The following UNC13C variants were observed in gnomAD, a reference collection of about 807,000 sequenced individuals.
UNC13C encodes the protein unc-13 homolog C.
A neutral mutation model predicts 245.4 loss-of-function variants in UNC13C; 174 were observed. The ratio of observed to expected loss-of-function variants is 0.71; its 90% CI spans 0.63 to 0.80. The LOEUF is 0.80. Among genes scored for constraint, UNC13C ranks in the 30% least tolerant of loss-of-function variants. UNC13C has a pLI of 0.00. For synonymous variants in UNC13C, 992 were observed against 895.1 expected, an observed-to-expected ratio of 1.11 and a Z score of -1.93; for missense variants, 2,829 against 2,602.9, an observed-to-expected ratio of 1.09 and a Z score of -1.89.
chr15:54,626,610 T>TTAA (rs1040052705), intron 32 of UNC13C, among the ~76,000 whole-genome samples: 8 of 152,272 alleles, frequency 5.3e-5, no homozygotes, highest in African/African-American at 1.9e-4. Flanking sequence ...ACATAGTATC[T>TTAA]TAATTCCCAT....
chr15:53,974,313 T>C (rs1893632026), upstream of UNC13C, among the ~76,000 whole-genome samples: 1 of 152,196 alleles, frequency 6.6e-6, no homozygotes, highest in South Asian at 2.1e-4. Context: ...AGAACAAAGC[T>C]AATTGGCTAC....
At chr15:53,874,908 A>G in the UNC13C span, among the ~76,000 whole-genome samples, 1 of 152,162 alleles carries the variant, frequency 6.6e-6, no homozygotes, top group African/African-American at 2.4e-5. Context: ...ATACAGGCCA[A>G]TATAGTGAAA....
intron 13 of UNC13C, among the ~76,000 whole-genome samples, chr15:54,315,531 A>G (rs1329253894): frequency 4.0e-5 from 6 of 151,166 alleles, no homozygotes; most frequent in African/African-American, 9.7e-5. Context: ...TCATATGGCT[A>G]TTTCCCAGGT....
At chr15:53,988,721 AC>A (rs774781373) in intron 1 of UNC13C, among the ~76,000 whole-genome samples, 3 of 151,932 alleles carry the variant, frequency 2.0e-5, no homozygotes, top group Non-Finnish European at 4.4e-5. Context: ...CATGAAGTGG[AC>A]ATCAAAGAGT....
At chr15:53,878,517 T>G in the UNC13C span, among the ~76,000 whole-genome samples, 1 of 152,188 alleles carries the variant, frequency 6.6e-6, no homozygotes, top group African/African-American at 2.4e-5. Flanking sequence ...AATTATCATT[T>G]CTCTGCATGG....
intron 7 of UNC13C, among the ~76,000 whole-genome samples, chr15:54,243,597 G>A (rs555452998): frequency 2.1e-5 from 2 of 94,504 alleles, no homozygotes; most frequent in South Asian, 6.1e-4. Flanking sequence ...CCCACCAACA[G>A]TGTAAAGCAT....
intron 17 of UNC13C, among the ~76,000 whole-genome samples, chr15:54,391,462 A>C (rs749532646): frequency 8.5e-5 from 13 of 152,122 alleles, no homozygotes; most frequent in Non-Finnish European, 1.9e-4. Context: ...AAGGCAGCAA[A>C]GCTTGACATT....
chr15:54,025,864 C>T (rs1368475221), intron 2 of UNC13C, among the ~76,000 whole-genome samples: 1 of 152,124 alleles, frequency 6.6e-6, no homozygotes, highest in East Asian at 1.9e-4. Flanking sequence ...TTGTTGACCG[C>T]ATATAATCAT....
chr15:53,943,565 T>C, the UNC13C span, among the ~76,000 whole-genome samples: 1 of 152,174 alleles, frequency 6.6e-6, no homozygotes, highest in Non-Finnish European at 1.5e-5. Flanking sequence ...TAAGCAGATG[T>C]CTCTATTTTT....
chr15:54,482,252 C>T (rs687345), intron 19 of UNC13C, among the ~76,000 whole-genome samples: 1 of 151,968 alleles, frequency 6.6e-6, no homozygotes, highest in Non-Finnish European at 1.5e-5. Flanking sequence ...AATGCAGGAG[C>T]TTTTAGCCCT....
chr15:54,296,497 C>A (rs1322642998), intron 11 of UNC13C, among the ~76,000 whole-genome samples: 1 of 151,516 alleles, frequency 6.6e-6, no homozygotes, highest in Non-Finnish European at 1.5e-5. Context: ...GGATTACAGG[C>A]GTGAGCCATC....
chr15:53,890,217 C>G, the UNC13C span, among the ~76,000 whole-genome samples: 1 of 151,492 alleles, frequency 6.6e-6, no homozygotes, highest in African/African-American at 2.4e-5. Context: ...TCTTGGCTCA[C>G]TGCAAGCTCC....
chr15:54,043,432 A>G (rs1423011301), intron 2 of UNC13C, among the ~76,000 whole-genome samples: 2 of 152,178 alleles, frequency 1.3e-5, no homozygotes, highest in Non-Finnish European at 2.9e-5. Context: ...CTCTTTTAGC[A>G]GCCGTTTATT....
intron 2 of UNC13C, among the ~76,000 whole-genome samples, chr15:54,087,080 AT>A (rs749824365): frequency 6.6e-6 from 1 of 151,918 alleles, no homozygotes; most frequent in Non-Finnish European, 1.5e-5. Flanking sequence ...TGGAAGCACT[AT>A]TTTCCTGTCT....
At chr15:54,445,388 C>A (rs1054889459) in intron 19 of UNC13C, among the ~76,000 whole-genome samples, 4 of 152,164 alleles carry the variant, frequency 2.6e-5, no homozygotes, top group African/African-American at 9.7e-5. Flanking sequence ...CTGTCTTCTA[C>A]AATGGTTGAA....
intron 10 of UNC13C, among the ~76,000 whole-genome samples, chr15:54,274,395 G>A (rs1283997098): frequency 2.6e-5 from 4 of 152,108 alleles, no homozygotes; most frequent in Non-Finnish European, 4.4e-5. Flanking sequence ...GTCATTTACT[G>A]TATCTCAAAT....
At chr15:54,266,935 T>C in intron 10 of UNC13C, among the ~76,000 whole-genome samples, 1 of 152,204 alleles carries the variant, frequency 6.6e-6, no homozygotes, top group East Asian at 1.9e-4. Flanking sequence ...GTTCTATTCA[T>C]TCAACGTAAT....
chr15:53,979,314 G>A (rs1369906141), intron 1 of UNC13C, among the ~76,000 whole-genome samples: 1 of 126,114 alleles, frequency 7.9e-6, no homozygotes, highest in African/African-American at 2.6e-5. Context: ...CTAGGAAAGG[G>A]TTAAAAGCCA....
intron 2 of UNC13C, among the ~76,000 whole-genome samples, chr15:54,137,856 C>T (rs981399740): frequency 6.6e-6 from 1 of 151,830 alleles, no homozygotes; most frequent in African/African-American, 2.4e-5. Context: ...TTCCTTAGTT[C>T]TGCTGACATT....
Sources: allele counts gnomAD v4.1 joint callset (sites outside exome capture counted in the v4.1 genomes callset), GRCh38; gene constraint gnomAD v4.1.1; transcripts MANE v1.5; gene names NCBI Gene and HGNC (gene_info 2026-07-23, HGNC 2026-07-21).